PRKCZ: variants seen among roughly 807,000 people sequenced by gnomAD.
PRKCZ encodes protein kinase C zeta type.
PRKCZ carries 33 observed loss-of-function variants against 79.5 expected under a neutral mutation model. That is an observed-to-expected ratio of 0.41 (90% CI 0.31 to 0.55). PRKCZ has a LOEUF of 0.55. PRKCZ is among the 20% of genes least tolerant of loss of function. The pLI, the probability that PRKCZ is intolerant of heterozygous loss-of-function variation, is 0.19. For missense variants in PRKCZ, 578 were observed against 813.5 expected (o/e 0.71, Z 3.52); for synonymous variants, 342 against 320.9 (o/e 1.07, Z -0.70).
chr1:2,077,917 C>T (rs1028149690), intron 4 of PRKCZ, among the ~76,000 whole-genome samples: 1 of 152,210 alleles, frequency 6.6e-6, no homozygotes, highest in Non-Finnish European at 1.5e-5. Flanking sequence ...TTGCGGGTGA[C>T]GTGAATATGC....
intron 4 of PRKCZ, among the ~76,000 whole-genome samples, chr1:2,134,248 GT>G (rs1423989757): frequency 6.6e-6 from 1 of 152,222 alleles, no homozygotes; most frequent in African/African-American, 2.4e-5. Context: ...AGAGGAGCAG[GT>G]TTTACCATCC....
chr1:2,157,488 G>A (rs2103308966), intron 10 of PRKCZ, among the ~76,000 whole-genome samples: 1 of 152,140 alleles, frequency 6.6e-6, no homozygotes. Flanking sequence ...CAACATCTTG[G>A]CTCACTGCAG....
intron 16 of PRKCZ, 50 bp downstream of exon 16, chr1:2,175,363 A>AT (rs1207599953): frequency 6.8e-7 from 1 of 1,471,102 alleles, no homozygotes; most frequent in Admixed American, 1.9e-5. Flanking sequence ...CCCAACCCCA[A>AT]ATCTACCCAA....
Position 2,074,275 on chromosome 1 carries a change from G to C in PRKCZ, c.334+14684G>C. ...GGACATGCTCACCCCGAGGACGGAT[G>C]GTGTGTGGCCCAGGCCTGGTGGATG... On this transcript the variant is annotated intron_variant, in intron 4 of 17. Transcript: ENST00000378567. 4 of 1,549,686 alleles carry C rather than the reference G, an allele frequency of 2.6e-6. No individual in the cohort carries two copies. In the South Asian group the frequency reaches 4.8e-5, roughly 18 times the overall value.
At chr1:2,116,740 C>T (rs148772926) in intron 4 of PRKCZ, among the ~76,000 whole-genome samples, 1 of 152,156 alleles carries the variant, frequency 6.6e-6, no homozygotes, top group Non-Finnish European at 1.5e-5. Context: ...TTTTAGTTTT[C>T]AAGGTTATCT....
intron 4 of PRKCZ, among the ~76,000 whole-genome samples, chr1:2,121,546 C>CGT (rs1671929589): frequency 5.7e-4 from 5 of 8,758 alleles, no homozygotes; most frequent in African/African-American, 4.0e-3. Flanking sequence ...AGGGTTATAT[C>CGT]AGTAGTTAGG....
At chr1:2,170,803 G>T (rs973629859) in intron 11 of PRKCZ, among the ~76,000 whole-genome samples, 1 of 152,218 alleles carries the variant, frequency 6.6e-6, no homozygotes, top group Non-Finnish European at 1.5e-5. Context: ...ATTCATCCGT[G>T]CTGTGGCCTG....
intron 1 of PRKCZ, among the ~76,000 whole-genome samples, chr1:2,053,115 C>CT (rs35888403): frequency 0.29 from 41,315 of 144,516 alleles, 6,702 homozygotes; most frequent in East Asian, 0.7. Context: ...TCAGCTCAGA[C>CT]TTTTTTTTTT....
intron 4 of PRKCZ, among the ~76,000 whole-genome samples, chr1:2,065,328 TA>T (rs971446607): frequency 2.0e-5 from 3 of 152,224 alleles, no homozygotes; most frequent in African/African-American, 7.2e-5. Context: ...GGATGCCTTG[TA>T]TTTCTTTTTC....
rs1202838389 is a variant in PRKCZ, at chr1:2,128,173, T to G, written c.335-7089T>G. Among the ~76,000 whole-genome samples, 1 of 152,238 alleles carries G rather than the reference T, an allele frequency of 6.6e-6. No homozygotes were observed. Among genetic ancestry groups the G allele is most frequent in the Non-Finnish European group, 1.5e-5 (1 of 68,030 alleles). ...AGGGCACCTCACTGTCTCCTTGTCC[T>G]CCTGGTCACTGACCTGGGCCACCAT... On this transcript the variant is annotated intron_variant, in intron 4 of 17. Transcript: ENST00000378567. This position sits in a 1 kb window ranked among gnomAD's most constrained non-coding sequence, Gnocchi z 6.5.
At position 2,123,179 on chromosome 1, in the gene PRKCZ, A is replaced by G. The variant is rs796394650; in HGVS notation, c.335-12083A>G. On this transcript the variant is annotated intron_variant, in intron 4 of 17. Transcript: ENST00000378567. ...CGGCGGTGGTTAGGGTCACGGTGGT[A>G]GTTAGGGTCACGGTGGTGGTTAGGG... Among the ~76,000 whole-genome samples, 21 of 19,780 alleles carry G rather than the reference A, an allele frequency of 1.1e-3. 5 individuals carry two copies. The highest frequency in any genetic ancestry group is 2.2e-3 in the African/African-American group (6 of 2,774). 13.0% of individuals were successfully genotyped at this position (19,780 alleles called of 152,430 possible).
intron 4 of PRKCZ, among the ~76,000 whole-genome samples, chr1:2,126,143 TC>T (rs1340178554): frequency 5.3e-5 from 8 of 151,482 alleles, no homozygotes; most frequent in African/African-American, 1.7e-4. Context: ...TCACGTCTCC[TC>T]CCCCCGCCTG....
chr1:2,086,732 C>T (rs532258376), intron 4 of PRKCZ, among the ~76,000 whole-genome samples: 1 of 152,328 alleles, frequency 6.6e-6, no homozygotes, highest in African/African-American at 2.4e-5. Context: ...GCAGTTCCCG[C>T]GGCAGCTCCC....
chr1:2,086,088 G>T (rs1664477998), intron 4 of PRKCZ, among the ~76,000 whole-genome samples: 1 of 145,762 alleles, frequency 6.9e-6, no homozygotes, highest in South Asian at 2.1e-4. Context: ...TTGAGACGGA[G>T]TCTTGCTCTG....
intron 4 of PRKCZ, among the ~76,000 whole-genome samples, chr1:2,103,426 C>T (rs1484039614): frequency 6.6e-6 from 1 of 151,004 alleles, no homozygotes; most frequent in Non-Finnish European, 1.5e-5. Context: ...TCATCAGCAG[C>T]TGGCACGTCC....
At chr1:2,064,658 C>T (rs1323123534) in intron 4 of PRKCZ, among the ~76,000 whole-genome samples, 2 of 152,278 alleles carry the variant, frequency 1.3e-5, no homozygotes, top group East Asian at 3.9e-4. Context: ...TGTTGAAAAT[C>T]GTTTCACCAT....
At chr1:2,113,627 A>G (rs1670179316) in intron 4 of PRKCZ, among the ~76,000 whole-genome samples, 2 of 152,296 alleles carry the variant, frequency 1.3e-5, no homozygotes, top group South Asian at 4.1e-4. Context: ...TCTGTGTCCC[A>G]GTTGAGTTGG....
intron 5 of PRKCZ, 102 bp downstream of exon 5, chr1:2,135,449 T>C: frequency 8.9e-7 from 1 of 1,120,120 alleles, no homozygotes; most frequent in African/African-American, 1.6e-5. Context: ...CAGGCTGGGC[T>C]CTTTTTGGCG....
At position 2,175,272 on chromosome 1, in the gene PRKCZ, A is replaced by G. The variant is rs944570466; in HGVS notation, c.1534A>G (p.Ile512Val). The G allele has an allele frequency of 3.1e-6, 5 of 1,613,826 alleles. No individual in the cohort carries two copies. The highest frequency in any genetic ancestry group is 4.2e-6 in the Non-Finnish European group (5 of 1,179,936). ...CCGGCCACAGACTGGATTTTCTGAC[A>G]TCAAGTCCCACGCGTTCTTCCGCAG... ...GCRPQTGFSD[I>V]KSHAFFRSID... Residue 512 changes from isoleucine (I) to valine (V), a missense_variant, in exon 16 of 18, where the codon ATC becomes GTC. By Grantham distance (29) the Ile-to-Val change is conservative (BLOSUM62 3). This residue lies in a region of PRKCZ where 243 missense variants were observed against 467.0 expected (regional missense o/e 0.52). Transcript: ENST00000378567.
Sources: gnomAD v4.1 joint callset for allele counts (sites outside exome capture counted in the v4.1 genomes callset) on GRCh38, gnomAD v4.1.1 for gene constraint, gnomAD v4.1.1 regional missense constraint, Gnocchi (gnomAD v3.1) non-coding constraint, MANE v1.5 for transcripts, NCBI Gene and HGNC (gene_info 2026-07-23, HGNC 2026-07-21) for gene names.